The following CAST variants were observed in gnomAD, a reference collection of about 807,000 sequenced individuals.
CAST encodes calpastatin.
In CAST, 76 loss-of-function variants were observed where a neutral mutation model predicts 119.6. The ratio of observed to expected loss-of-function variants is 0.64; its 90% CI spans 0.53 to 0.77. CAST has a LOEUF of 0.77. CAST is among the 30% of genes least tolerant of loss of function. The pLI, the probability that CAST is intolerant of heterozygous loss-of-function variation, is 0.00. For missense variants in CAST, 953 were observed against 946.5 expected, an observed-to-expected ratio of 1.01 and a Z score of -0.09; for synonymous variants, 319 against 331.6, an observed-to-expected ratio of 0.96 and a Z score of 0.41.
the CAST span, among the ~76,000 whole-genome samples, chr5:96,424,619 A>G: frequency 1.4e-4 from 21 of 152,342 alleles, no homozygotes; most frequent in Non-Finnish European, 2.8e-4. Flanking sequence ...CAGGAAATGC[A>G]CAAGTGTTAA....
At chr5:96,037,345 A>G in the CAST span, among the ~76,000 whole-genome samples, 4 of 152,156 alleles carry the variant, frequency 2.6e-5, no homozygotes, top group Non-Finnish European at 4.4e-5. Context: ...CTACTTTGCT[A>G]TGACTAATTG....
At chr5:96,682,129 G>T (rs566982707) in intron 2 of CAST, among the ~76,000 whole-genome samples, 53 of 152,340 alleles carry the variant, frequency 3.5e-4, no homozygotes, top group Admixed American at 1.8e-3. Context: ...ACAGGGCTCA[G>T]TACTATTTGC....
chr5:96,615,368 C>T (rs1422924490), intron 1 of CAST, among the ~76,000 whole-genome samples: 1 of 152,222 alleles, frequency 6.6e-6, no homozygotes, highest in East Asian at 1.9e-4. Context: ...CTCACTTCCT[C>T]CTCTCCCCTT....
At chr5:96,031,409 T>C in the CAST span, among the ~76,000 whole-genome samples, 1 of 152,158 alleles carries the variant, frequency 6.6e-6, no homozygotes, top group Non-Finnish European at 1.5e-5. Context: ...AAGTAGTTTG[T>C]CATCTAATGC....
At chr5:96,372,971 C>T in the CAST span, among the ~76,000 whole-genome samples, 3 of 152,138 alleles carry the variant, frequency 2.0e-5, no homozygotes, top group African/African-American at 7.2e-5. Flanking sequence ...AAGGGCATTG[C>T]TAATTAGGAT....
At chr5:96,587,117 G>T (rs1746873591) in intron 1 of CAST, among the ~76,000 whole-genome samples, 1 of 152,096 alleles carries the variant, frequency 6.6e-6, no homozygotes, top group South Asian at 2.1e-4. Context: ...GATTATTTAA[G>T]CAATAGAATT....
the CAST span, among the ~76,000 whole-genome samples, chr5:96,049,023 G>A: frequency 6.6e-6 from 1 of 152,190 alleles, no homozygotes; most frequent in Admixed American, 6.5e-5. Context: ...AACACGCTGA[G>A]CTGACATCCC....
chr5:96,122,263 GAAGTA>G, the CAST span, among the ~76,000 whole-genome samples: 3 of 152,146 alleles, frequency 2.0e-5, no homozygotes, highest in African/African-American at 4.8e-5. Context: ...CTTCCTATCA[GAAGTA>G]GAGTAAAAAT....
the CAST span, among the ~76,000 whole-genome samples, chr5:96,015,805 G>T: frequency 6.6e-6 from 1 of 152,138 alleles, no homozygotes; most frequent in Non-Finnish European, 1.5e-5. Context: ...GGGATTTAAA[G>T]ACATTCAGAA....
chr5:96,695,039 C>T (rs79733498), intron 2 of CAST, among the ~76,000 whole-genome samples: 3,831 of 152,250 alleles, frequency 0.025, 171 homozygotes, highest in African/African-American at 0.087. Flanking sequence ...CATAACGTAA[C>T]CCCCTATTAT....
At chr5:96,079,205 T>C in the CAST span, 121 of 428,616 alleles carry the variant, frequency 2.8e-4, 2 homozygotes, top group East Asian at 7.1e-3. Flanking sequence ...GGGACCTACC[T>C]CTTTGGTACT....
chr5:96,339,634 A>G, the CAST span, among the ~76,000 whole-genome samples: 8 of 152,348 alleles, frequency 5.3e-5, no homozygotes, highest in Middle Eastern at 6.8e-3. Flanking sequence ...CACCTAACAT[A>G]AAACTTGAAG....
the CAST span, among the ~76,000 whole-genome samples, chr5:96,377,470 T>G: frequency 6.6e-6 from 1 of 152,280 alleles, no homozygotes; most frequent in Admixed American, 6.5e-5. Flanking sequence ...TTTTCTATAT[T>G]TAGATATGTC....
chr5:96,146,195 G>A, the CAST span, among the ~76,000 whole-genome samples: 1 of 152,152 alleles, frequency 6.6e-6, no homozygotes, highest in Non-Finnish European at 1.5e-5. Context: ...CACTGTAAAA[G>A]CTGATGTTTG....
At chr5:96,009,560 AT>A in the CAST span, among the ~76,000 whole-genome samples, 1 of 151,828 alleles carries the variant, frequency 6.6e-6, no homozygotes, top group East Asian at 1.9e-4. Flanking sequence ...TGATGGGAGC[AT>A]TTTTTTCATA....
At chr5:95,961,515 C>T in the CAST span, 1 of 1,402,242 alleles carries the variant, frequency 7.1e-7, no homozygotes, top group Non-Finnish European at 9.3e-7. Context: ...CCGGGCGCGG[C>T]CAGGCCGTGA....
At chr5:96,420,153 A>G in the CAST span, among the ~76,000 whole-genome samples, 1 of 152,194 alleles carries the variant, frequency 6.6e-6, no homozygotes, top group Non-Finnish European at 1.5e-5. Flanking sequence ...CCATTTCCTC[A>G]GGAAGTTCAT....
the CAST span, among the ~76,000 whole-genome samples, chr5:96,334,455 C>T: frequency 4.1e-4 from 63 of 152,284 alleles, no homozygotes; most frequent in Admixed American, 1.5e-3. Context: ...CAGGACCCTG[C>T]ACATCTATAA....
rs1484780761 is a variant in CAST at position 96,542,647 on chromosome 5, TG to T, written c.60+12768del. Among the ~76,000 whole-genome samples the T allele has an allele frequency of 2.8e-5, 4 of 144,430 alleles. No homozygotes were observed. The East Asian group carries it at 8.6e-4, about 31-fold the overall frequency. The allele number at this position is 144,430 out of a possible 152,430, so 94.8% of individuals were successfully genotyped here. On this transcript the variant is annotated intron_variant, in intron 1 of 11. Coordinates refer to the CAST transcript ENST00000505143. ...GCCCATTTAAACTTTTGTTCTATTT[TG>T]TTTTCTTATTGTTTAATTTTTAAGA... is the stretch of plus-strand genomic sequence containing the variant.
Sources: gnomAD v4.1 joint callset for allele counts (sites outside exome capture counted in the v4.1 genomes callset) on GRCh38, gnomAD v4.1.1 for gene constraint, MANE v1.5 for transcripts, NCBI Gene and HGNC (gene_info 2026-07-23, HGNC 2026-07-21) for gene names.